The following CTNNA1 variants were observed in gnomAD, a reference collection of about 807,000 sequenced individuals.
CTNNA1 encodes the protein catenin alpha 1, also known as catenin alpha-1.
Under a neutral mutation model 98.4 loss-of-function variants are expected in CTNNA1, and 37 were observed. The observed-to-expected ratio is 0.38, with a 90% CI of 0.29 to 0.49. The LOEUF is 0.49. Ranked by LOEUF, CTNNA1 falls within the 20% of genes least tolerant of loss-of-function variation. The pLI, the probability that CTNNA1 is intolerant of heterozygous loss-of-function variation, is 0.95. For missense variants in CTNNA1, 761 were observed against 1,147.2 expected, an observed-to-expected ratio of 0.66 and a Z score of 4.86; for synonymous variants, 404 against 413.2, an observed-to-expected ratio of 0.98 and a Z score of 0.27.
intron 11 of CTNNA1, among the ~76,000 whole-genome samples, chr5:138,923,776 G>A (rs1026890816): frequency 4.6e-5 from 7 of 152,204 alleles, no homozygotes; most frequent in African/African-American, 1.4e-4. Flanking sequence ...TTGTGGTGGG[G>A]TTCCTAAAAA....
At chr5:138,860,437 G>A (rs1369791680) in intron 7 of CTNNA1, among the ~76,000 whole-genome samples, 2 of 152,192 alleles carry the variant, frequency 1.3e-5, no homozygotes, top group African/African-American at 4.8e-5. Flanking sequence ...ACCACCTGCT[G>A]TTAGATTTTC....
intron 3 of CTNNA1, among the ~76,000 whole-genome samples, chr5:138,806,316 C>A (rs533485998): frequency 6.6e-6 from 1 of 150,900 alleles, no homozygotes; most frequent in East Asian, 1.9e-4. Flanking sequence ...GCAGAATCTT[C>A]CTCTCCTTAC....
intron 8 of CTNNA1, 106 bp downstream of exon 8, chr5:138,886,398 A>T: frequency 1.7e-6 from 2 of 1,205,916 alleles, no homozygotes; most frequent in Non-Finnish European, 2.3e-6. Context: ...GAGAGAAAGG[A>T]TGGATTTTCA....
intron 9 of CTNNA1, among the ~76,000 whole-genome samples, chr5:138,888,489 G>A (rs745677570): frequency 1.3e-5 from 2 of 152,150 alleles, no homozygotes; most frequent in African/African-American, 2.4e-5. Flanking sequence ...GGGACCTTAT[G>A]TAAAATGTGT....
intron 3 of CTNNA1, among the ~76,000 whole-genome samples, chr5:138,809,211 A>G (rs1393825241): frequency 1.3e-5 from 2 of 152,158 alleles, no homozygotes; most frequent in Non-Finnish European, 2.9e-5. Context: ...CTATAGTAAA[A>G]TCTATTTTAT....
chr5:138,880,011 C>T (rs1752545765), intron 7 of CTNNA1, among the ~76,000 whole-genome samples: 1 of 152,168 alleles, frequency 6.6e-6, no homozygotes, highest in African/African-American at 2.4e-5. Context: ...GATAGTTCAG[C>T]AAGAAATCTT....
intron 17 of CTNNA1, among the ~76,000 whole-genome samples, chr5:138,933,293 T>C (rs80192400): frequency 0.011 from 1,614 of 152,274 alleles, 27 homozygotes; most frequent in African/African-American, 0.037. Context: ...CTGAGGCCTT[T>C]CTCACCTAGG....
intron 7 of CTNNA1, among the ~76,000 whole-genome samples, chr5:138,831,363 C>G (rs1005525562): frequency 3.4e-4 from 52 of 152,320 alleles, no homozygotes; most frequent in Admixed American, 2.4e-3. Context: ...AAACACTTCC[C>G]AGTTGATTCC....
intron 17 of CTNNA1, 189 bp downstream of exon 17, chr5:138,932,901 G>A: frequency 1.2e-6 from 1 of 818,416 alleles, no homozygotes; most frequent in South Asian, 1.3e-5. Context: ...TGTGACACCT[G>A]CGGGGCACTG....
Position 138,886,117 on chromosome 5 carries a change from C to G in CTNNA1, c.1063-95C>G, listed in dbSNP as rs187766316. 28 of 1,375,710 alleles carry G rather than the reference C, an allele frequency of 2.0e-5. No homozygotes were observed. The African/African-American group carries it at 4.2e-4, about 20-fold the overall frequency. 85.2% of individuals were successfully genotyped at this position (1,375,710 alleles called of 1,614,324 possible). ...ACTTTGAGTTTAAGAAGTTGTACTG[C>G]TTTTTCAGTGTTGACATGAGCACAA... On this transcript the variant is annotated intron_variant, in intron 7 of 17. Coordinates refer to ENST00000302763, the MANE Select transcript of CTNNA1 (RefSeq NM_001903.5).
chr5:138,915,592 C>CA (rs1157981040), intron 10 of CTNNA1, among the ~76,000 whole-genome samples: 2 of 152,194 alleles, frequency 1.3e-5, no homozygotes, highest in African/African-American at 4.8e-5. Context: ...GAAGTAAAAA[C>CA]ACAGAAACGT....
chr5:138,867,422 A>G (rs1020723046), intron 7 of CTNNA1, among the ~76,000 whole-genome samples: 1 of 152,244 alleles, frequency 6.6e-6, no homozygotes, highest in Admixed American at 6.5e-5. Flanking sequence ...AAGCCAGGGC[A>G]GTTTATGCCC....
In CTNNA1 at chr5:138,918,456, A is replaced by G. The variant is rs28363467; in HGVS notation, c.1546+558A>G. On this transcript the variant is annotated intron_variant, in intron 11 of 17. Transcript: ENST00000302763. ...TCATAGTTTATCTGCCTACTTTTCC[A>G]AAGACTTTCTGTCTGCATGATGCAC... Among the ~76,000 whole-genome samples, 1,010 of 152,298 alleles carry G rather than the reference A, an allele frequency of 6.6e-3. 8 individuals are homozygous for G. Among genetic ancestry groups the G allele is most frequent in the Middle Eastern group, 0.017 (5 of 294 alleles).
intron 10 of CTNNA1, among the ~76,000 whole-genome samples, chr5:138,908,839 T>C (rs1049623138): frequency 3.9e-5 from 6 of 151,990 alleles, no homozygotes; most frequent in African/African-American, 1.5e-4. Flanking sequence ...TCTCACTCTT[T>C]TCTCTGGAAA....
At chr5:138,862,167 C>T (rs1266626237) in intron 7 of CTNNA1, among the ~76,000 whole-genome samples, 2 of 152,144 alleles carry the variant, frequency 1.3e-5, no homozygotes, top group Non-Finnish European at 1.5e-5. Flanking sequence ...GGATTACTCT[C>T]CAGCTATCAC....
chr5:138,797,796 T>C (rs1002898667), intron 3 of CTNNA1, among the ~76,000 whole-genome samples: 1 of 151,994 alleles, frequency 6.6e-6, no homozygotes, highest in Admixed American at 6.6e-5. Context: ...ATGAGGAAGA[T>C]GACCAGTTCC....
At chr5:138,807,716 C>G (rs1379523322) in intron 3 of CTNNA1, among the ~76,000 whole-genome samples, 1 of 151,970 alleles carries the variant, frequency 6.6e-6, no homozygotes, top group Non-Finnish European at 1.5e-5. Context: ...CTTATTCTCT[C>G]TTGTTTGGTA....
rs866984065 is a variant in CTNNA1 at position 138,776,856 on chromosome 5, T to C, written c.-2-5067T>C. Among the ~76,000 whole-genome samples the C allele has an allele frequency of 6.5e-4, 44 of 68,078 alleles. 2 individuals are homozygous for C. Among genetic ancestry groups the C allele is most frequent in the East Asian group, 1.6e-3 (3 of 1,884 alleles). 44.7% of individuals were successfully genotyped at this position (68,078 alleles called of 152,430 possible). A position where few individuals can be genotyped will look rare whatever the true frequency, so the allele number is the denominator to read the frequency against. ...CGGCTGGCCGGGCGGGGGGGCTGACTCCCCCACCTCCCTCCCGGGCGGGGC... is the reference window on the plus strand; with the variant it reads ...CGGCTGGCCGGGCGGGGGGGCTGACCCCCCCACCTCCCTCCCGGGCGGGGC... On this transcript the variant is annotated intron_variant, in intron 1 of 17. Coordinates refer to ENST00000302763, the MANE Select transcript of CTNNA1 (RefSeq NM_001903.5).
At chr5:138,772,149 C>T (rs1753624265) in intron 1 of CTNNA1, among the ~76,000 whole-genome samples, 1 of 152,200 alleles carries the variant, frequency 6.6e-6, no homozygotes, top group African/African-American at 2.4e-5. Context: ...TTTATTTTCT[C>T]CTCATTGCTT....
Sources: gnomAD v4.1 joint callset for allele counts (sites outside exome capture counted in the v4.1 genomes callset) on GRCh38, gnomAD v4.1.1 for gene constraint, MANE v1.5 for transcripts, NCBI Gene and HGNC (gene_info 2026-07-23, HGNC 2026-07-21) for gene names.